Variants in UNC13C observed in about 807,000 individuals in gnomAD.
The protein encoded by UNC13C is unc-13 homolog C, also known as protein unc-13 homolog C.
Under a neutral mutation model 245.4 loss-of-function variants are expected in UNC13C, and 174 were observed. The observed-to-expected ratio is 0.71, with a 90% CI of 0.63 to 0.80. The LOEUF (loss-of-function observed/expected upper bound fraction) is 0.80. UNC13C is among the 30% of genes least tolerant of loss of function. UNC13C has a pLI of 0.00. For missense variants in UNC13C, 2,829 were observed against 2,602.9 expected (o/e 1.09, Z -1.89); for synonymous variants, 992 against 895.1 (o/e 1.11, Z -1.93).
chr15:54,484,910 TA>T (rs1281087724), intron 19 of UNC13C, among the ~76,000 whole-genome samples: 31 of 152,210 alleles, frequency 2.0e-4, no homozygotes, highest in African/African-American at 6.5e-4. Context: ...TAAAAAACTA[TA>T]AGTAATGATT....
At chr15:54,252,910 TA>T (rs2036189236) in intron 8 of UNC13C, among the ~76,000 whole-genome samples, 1 of 152,218 alleles carries the variant, frequency 6.6e-6, no homozygotes. Context: ...AATTAAAATT[TA>T]AGCCAAGGAG....
At chr15:53,900,591 C>A in the UNC13C span, among the ~76,000 whole-genome samples, 4 of 152,104 alleles carry the variant, frequency 2.6e-5, no homozygotes, top group Non-Finnish European at 5.9e-5. Context: ...ACAATTCCTC[C>A]AAGGAGGGCA....
chr15:53,929,466 T>C, the UNC13C span, among the ~76,000 whole-genome samples: 1 of 152,142 alleles, frequency 6.6e-6, no homozygotes, highest in Admixed American at 6.5e-5. Flanking sequence ...TGTTAAAGCA[T>C]CAACTACTAA....
the UNC13C span, among the ~76,000 whole-genome samples, chr15:53,877,124 T>C: frequency 2.0e-5 from 3 of 152,326 alleles, no homozygotes; most frequent in East Asian, 3.9e-4. Flanking sequence ...GTCAGTAATA[T>C]AGCAAGTTGT....
chr15:53,979,285 G>C (rs1893828349), intron 1 of UNC13C, among the ~76,000 whole-genome samples: 2 of 133,492 alleles, frequency 1.5e-5, no homozygotes, highest in Admixed American at 9.1e-5. Context: ...GCTCAACAGA[G>C]AACAAAAGTT....
At chr15:53,867,451 C>T in the UNC13C span, among the ~76,000 whole-genome samples, 1 of 152,166 alleles carries the variant, frequency 6.6e-6, no homozygotes, top group Non-Finnish European at 1.5e-5. Flanking sequence ...CTCCGCAGCC[C>T]AGCGTCTGTC....
At position 54,015,062 on chromosome 15, in the gene UNC13C, C is replaced by G. The variant is rs1173080403; in HGVS notation, c.2159C>G (p.Ser720Cys). 6.2e-7 allele frequency: 1 copy of G among 1,612,754 alleles called. No individual in the cohort carries two copies. Among genetic ancestry groups the G allele is most frequent in the Non-Finnish European group, 8.5e-7 (1 of 1,179,472 alleles). ...TACGACTTAACTCAAGATGACAATT[C>G]TTCTCCATGCCCTGGCTTGGATAAT... ...ESYDLTQDDN[S>C]SPCPGLDNEP... Residue 720 changes from serine to cysteine, a missense_variant, in exon 2 of 33, where the codon TCT (serine) becomes TGT (cysteine). Ser to Cys is a moderately radical substitution (Grantham distance 112). Coordinates refer to ENST00000260323, the MANE Select transcript of UNC13C (RefSeq NM_001080534.3).
chr15:54,073,629 C>T (rs1898441081), intron 2 of UNC13C, among the ~76,000 whole-genome samples: 1 of 151,984 alleles, frequency 6.6e-6, no homozygotes, highest in Admixed American at 6.6e-5. Flanking sequence ...GCTCTAATAA[C>T]CAGTGATGAT....
chr15:54,498,216 A>C (rs1318905770), intron 20 of UNC13C, among the ~76,000 whole-genome samples: 5 of 152,114 alleles, frequency 3.3e-5, no homozygotes, highest in Non-Finnish European at 5.9e-5. Flanking sequence ...AAAATTTATA[A>C]ACAAAAACAA....
chr15:54,082,835 A>G (rs1248843624), intron 2 of UNC13C, among the ~76,000 whole-genome samples: 1 of 152,104 alleles, frequency 6.6e-6, no homozygotes, highest in East Asian at 1.9e-4. Context: ...TGTGGGGGCC[A>G]AGGCTCTGAA....
chr15:54,358,916 A>G lies in UNC13C; in HGVS notation c.4713+20427A>G, dbSNP rs530438273. 6.6e-5 allele frequency among the ~76,000 whole-genome samples: 10 copies of G among 152,122 alleles called. 1 individual carries two copies. The highest frequency in any genetic ancestry group is 3.9e-4 in the Admixed American group (6 of 15,280). On this transcript the variant is annotated intron_variant, in intron 17 of 32. Transcript: ENST00000260323. ...CATAACTTAGAGACAAATGCTCCCA[A>G]CTTTTCCTAATTGAGTATGATGTTA...
intron 2 of UNC13C, among the ~76,000 whole-genome samples, chr15:54,069,308 A>G (rs1363113087): frequency 6.6e-6 from 1 of 152,204 alleles, no homozygotes; most frequent in South Asian, 2.1e-4. Flanking sequence ...CTATGATACC[A>G]GTCTATGACA....
rs564533359 is a variant in UNC13C, at chr15:53,985,081, C to CT, written c.-257+6155dup. ...TTTGCTGCACCTATTGACCCATCCT[C>CT]TAAGTTCCCTCCCCTCAATCCCCAC... On this transcript the variant is annotated intron_variant, in intron 1 of 32. Transcript: ENST00000260323. Among the ~76,000 whole-genome samples the CT allele has an allele frequency of 7.9e-5, 12 of 151,824 alleles. No homozygotes were observed. The East Asian group carries it at 2.3e-3, about 30-fold the overall frequency.
rs2040976364 is a variant in UNC13C at position 54,435,943 on chromosome 15, C to CA, written c.4933+20883dup. ...GCAAACGATATGAACAGACACTTCT[C>CA]AAAAAAAGACAGTTATGTGGCCAAG... On this transcript the variant is annotated intron_variant, in intron 19 of 32. Coordinates refer to ENST00000260323, the MANE Select transcript of UNC13C (RefSeq NM_001080534.3). Among the ~76,000 whole-genome samples, 5 of 151,670 alleles carry CA rather than the reference C, an allele frequency of 3.3e-5. No individual in the cohort carries two copies. In the South Asian group the frequency reaches 1.0e-3, roughly 32 times the overall value.
intron 2 of UNC13C, among the ~76,000 whole-genome samples, chr15:54,122,037 T>C (rs906623063): frequency 5.3e-5 from 8 of 152,082 alleles, no homozygotes; most frequent in Non-Finnish European, 8.8e-5. Flanking sequence ...AGGCTGTCTA[T>C]AGGTTGCTTT....
At chr15:54,122,464 T>A (rs1014188164) in intron 2 of UNC13C, among the ~76,000 whole-genome samples, 5 of 152,092 alleles carry the variant, frequency 3.3e-5, no homozygotes, top group Non-Finnish European at 7.4e-5. Flanking sequence ...AATAGATTTT[T>A]AAAATTGACT....
chr15:54,229,489 T>C (rs78509095), intron 4 of UNC13C, among the ~76,000 whole-genome samples: 1 of 152,118 alleles, frequency 6.6e-6, no homozygotes, highest in Non-Finnish European at 1.5e-5. Context: ...ACCATTTGTT[T>C]ATTATTATTT....
the UNC13C span, among the ~76,000 whole-genome samples, chr15:53,838,038 A>G: frequency 6.6e-6 from 1 of 152,294 alleles, no homozygotes; most frequent in South Asian, 2.1e-4. Context: ...TTTGAATTAA[A>G]AAATTTTGCT....
chr15:54,033,814 T>C (rs1896463149), intron 2 of UNC13C, among the ~76,000 whole-genome samples: 1 of 152,196 alleles, frequency 6.6e-6, no homozygotes, highest in Admixed American at 6.5e-5. Flanking sequence ...ATGAAGGTTC[T>C]CACAGTGAAC....
Sources: gnomAD v4.1 joint callset for allele counts (sites outside exome capture counted in the v4.1 genomes callset) on GRCh38, gnomAD v4.1.1 for gene constraint, MANE v1.5 for transcripts, NCBI Gene and HGNC (gene_info 2026-07-23, HGNC 2026-07-21) for gene names.